Variants in MTHFD1L observed in about 807,000 individuals in gnomAD.
MTHFD1L encodes methylenetetrahydrofolate dehydrogenase (NADP+ dependent) 1 like.
A neutral mutation model predicts 119.5 loss-of-function variants in MTHFD1L; 81 were observed. The ratio of observed to expected loss-of-function variants is 0.68; its 90% CI spans 0.57 to 0.82. The LOEUF (loss-of-function observed/expected upper bound fraction) is 0.82, where lower values mean the gene tolerates loss of function less well. MTHFD1L is among the 40% of genes least tolerant of loss of function. The pLI is 0.00. For missense variants in MTHFD1L, 1,125 were observed against 1,253.4 expected, an observed-to-expected ratio of 0.90 and a Z score of 1.55; for synonymous variants, 430 against 475.2, an observed-to-expected ratio of 0.90 and a Z score of 1.24.
chr6:150,935,886 GA>G (rs369775893), intron 11 of MTHFD1L, among the ~76,000 whole-genome samples: 4,451 of 150,816 alleles, frequency 0.03, 219 homozygotes, highest in Admixed American at 0.15. Context: ...TTAAAGAGTG[GA>G]AAAAAAAAAT....
rs563502628 is a variant in MTHFD1L at position 150,882,814 on chromosome 6, C to T, written c.470C>T (p.Ala157Val). The change falls in exon 5 of 28, where the codon GCC becomes GTC. Residue 157 changes from alanine to valine, a missense_variant. This residue lies in a region of MTHFD1L where 1,058 missense variants were observed against 1,151.2 expected (regional missense o/e 0.92). Transcript: ENST00000367321. The part of the protein sequence containing the change: ...INEDTRVHGL[A>V]LQISENLFSN... Reference sequence around the variant, plus strand: ...GAAGATACCAGAGTACATGGCCTTGCCCTTCAGATCTCTGAGAACTTGTTT... The same window carrying T: ...GAAGATACCAGAGTACATGGCCTTGTCCTTCAGATCTCTGAGAACTTGTTT... 11 of 1,576,176 alleles carry T rather than the reference C, an allele frequency of 7.0e-6. No individual in the cohort carries two copies. Among genetic ancestry groups the T allele is most frequent in the Non-Finnish European group, 9.4e-6 (11 of 1,167,032 alleles).
chr6:150,912,635 A>G, intron 8 of MTHFD1L: 1 of 483,428 alleles, frequency 2.1e-6, no homozygotes, highest in Non-Finnish European at 4.3e-6. Flanking sequence ...GGAAGGCATG[A>G]TAACACTTTG....
At chr6:150,940,403 G>A (rs4869959) in intron 13 of MTHFD1L, among the ~76,000 whole-genome samples, 43,963 of 151,662 alleles carry the variant, frequency 0.29, 6,775 homozygotes, top group African/African-American at 0.37. Context: ...TCAGAATGGG[G>A]ATGGGTACCA....
At chr6:151,012,019 CAAAAAAAA>C (rs1043831602) in intron 21 of MTHFD1L, among the ~76,000 whole-genome samples, 12 of 58,828 alleles carry the variant, frequency 2.0e-4, no homozygotes, top group South Asian at 2.0e-3. Context: ...ACAACAACAA[CAAAAAAAA>C]AAAAAAAAAA....
chr6:151,049,807 G>C, intron 26 of MTHFD1L, among the ~76,000 whole-genome samples: 1 of 152,166 alleles, frequency 6.6e-6, no homozygotes, highest in African/African-American at 2.4e-5. Flanking sequence ...CCTGGTTCCT[G>C]AATCCCATAA....
intron 17 of MTHFD1L, among the ~76,000 whole-genome samples, chr6:150,957,068 A>G (rs1795756877): frequency 6.6e-6 from 1 of 152,226 alleles, no homozygotes; most frequent in Non-Finnish European, 1.5e-5. Flanking sequence ...ATCCTTAACA[A>G]GCATTCTTGC....
At chr6:150,868,573 G>A (rs564703239) in intron 1 of MTHFD1L, among the ~76,000 whole-genome samples, 4 of 151,962 alleles carry the variant, frequency 2.6e-5, no homozygotes, top group African/African-American at 7.2e-5. Flanking sequence ...TCCTGACCTC[G>A]TGATCTGCCT....
intron 18 of MTHFD1L, among the ~76,000 whole-genome samples, chr6:150,960,963 T>C (rs940606666): frequency 2.0e-5 from 3 of 152,162 alleles, no homozygotes; most frequent in Admixed American, 6.6e-5. Context: ...CCCCTTTGAG[T>C]AGTTGTGGTG....
chr6:150,881,173 C>A (rs1781339188), intron 4 of MTHFD1L, among the ~76,000 whole-genome samples: 1 of 152,186 alleles, frequency 6.6e-6, no homozygotes, highest in South Asian at 2.1e-4. Context: ...AGACCAATGT[C>A]ATGAAGCATT....
intron 19 of MTHFD1L, among the ~76,000 whole-genome samples, chr6:150,965,489 T>C (rs997960218): frequency 1.3e-5 from 2 of 151,910 alleles, no homozygotes; most frequent in African/African-American, 4.8e-5. Flanking sequence ...TGAAACCCCA[T>C]CTCTACTAAA....
At chr6:150,950,021 G>A (rs569649482) in intron 16 of MTHFD1L, among the ~76,000 whole-genome samples, 55 of 152,158 alleles carry the variant, frequency 3.6e-4, no homozygotes, top group African/African-American at 1.3e-3. Flanking sequence ...ACCTCTTTAT[G>A]CTCACATTTG....
chr6:150,881,888 C>T (rs1012219532), intron 4 of MTHFD1L, among the ~76,000 whole-genome samples: 1 of 152,156 alleles, frequency 6.6e-6, no homozygotes, highest in African/African-American at 2.4e-5. Flanking sequence ...AATGGTTTCC[C>T]CTGCCACTGC....
intron 26 of MTHFD1L, among the ~76,000 whole-genome samples, chr6:151,046,458 AAT>A (rs1788031680): frequency 7.7e-6 from 1 of 129,462 alleles, no homozygotes; most frequent in Admixed American, 8.1e-5. Flanking sequence ...ATATATATAT[AAT>A]ATGTGTGTGT....
intron 24 of MTHFD1L, among the ~76,000 whole-genome samples, chr6:151,031,670 T>G (rs1248821622): frequency 6.6e-6 from 1 of 152,132 alleles, no homozygotes; most frequent in Non-Finnish European, 1.5e-5. Context: ...TTATAATGTC[T>G]TCTTAAAACA....
chr6:150,885,560 T>C, intron 5 of MTHFD1L, 74 bp from the exon 6 acceptor site: 1 of 1,040,252 alleles, frequency 9.6e-7, no homozygotes, highest in Non-Finnish European at 1.5e-6. Context: ...TTGGGGTTAA[T>C]ATATGTACAT....
chr6:150,866,623 C>T (rs1447535265), intron 1 of MTHFD1L: 10 of 1,211,598 alleles, frequency 8.3e-6, no homozygotes, highest in African/African-American at 3.1e-5. Context: ...CCGCTTTTCC[C>T]GGAACGGCAA....
intron 20 of MTHFD1L, among the ~76,000 whole-genome samples, chr6:150,978,136 G>T (rs1289643594): frequency 6.6e-6 from 1 of 151,930 alleles, no homozygotes; most frequent in East Asian, 1.9e-4. Context: ...GACCTCAGGT[G>T]TTCCACCCGC....
chr6:150,871,218 C>T (rs1779430857), intron 1 of MTHFD1L, among the ~76,000 whole-genome samples: 1 of 146,848 alleles, frequency 6.8e-6, no homozygotes, highest in Non-Finnish European at 1.5e-5. Flanking sequence ...CAAGAAATGC[C>T]AGTGATCTGG....
At chr6:151,099,996 T>TA (rs979505169) in intron 27 of MTHFD1L, 205 of 704,348 alleles carry the variant, frequency 2.9e-4, no homozygotes, top group South Asian at 5.0e-4. Context: ...CATCTTCCTT[T>TA]AAAAAAAAAG....
Sources: allele counts gnomAD v4.1 joint callset (sites outside exome capture counted in the v4.1 genomes callset), GRCh38; gene constraint gnomAD v4.1.1; regional missense constraint gnomAD v4.1.1; transcripts MANE v1.5; gene names NCBI Gene and HGNC (gene_info 2026-07-23, HGNC 2026-07-21).